FAAH2: variants seen among roughly 807,000 people sequenced by gnomAD.
FAAH2 encodes the protein fatty-acid amide hydrolase 2.
FAAH2 carries 60 observed loss-of-function variants against 36.9 expected under a neutral mutation model. That is an observed-to-expected ratio of 1.63 (90% confidence interval 1.32 to 2.02). The LOEUF is 2.02. Among genes scored for constraint, FAAH2 ranks in the 30% most tolerant of loss-of-function variants. The pLI, the probability that FAAH2 is intolerant of heterozygous loss-of-function variation, is 0.00. For missense variants in FAAH2, 689 were observed against 397.5 expected, an observed-to-expected ratio of 1.73 and a Z score of -6.23; for synonymous variants, 214 against 143.8, an observed-to-expected ratio of 1.49 and a Z score of -3.49.
chrX:57,319,424 G>C (rs1273864213), intron 3 of FAAH2, among the ~76,000 whole-genome samples: 1 of 111,647 alleles, frequency 9.0e-6, no homozygotes, highest in Admixed American at 9.6e-5. Context: ...ATTCACAATT[G>C]CTACAAAGAG....
At chrX:57,244,958 C>T in the FAAH2 span, among the ~76,000 whole-genome samples, 3 of 111,095 alleles carry the variant, frequency 2.7e-5, no homozygotes, top group African/African-American at 6.6e-5. Flanking sequence ...AGTCAAAACC[C>T]ATTGGTGTGC....
intron 5 of FAAH2, 104 bp from the exon 6 acceptor site, chrX:57,378,547 C>A: frequency 9.6e-7 from 1 of 1,038,379 alleles, no homozygotes; most frequent in Non-Finnish European, 1.3e-6. Context: ...AAAGTTTTAA[C>A]CAGGAGAAAA....
At chrX:57,364,196 T>C (rs753000085) in intron 5 of FAAH2, among the ~76,000 whole-genome samples, 4 of 108,951 alleles carry the variant, frequency 3.7e-5, no homozygotes, top group African/African-American at 1.3e-4. Flanking sequence ...AGGGCTTTTT[T>C]CTTGGTAGTT....
At chrX:57,316,698 TC>T (rs1165153957) in intron 3 of FAAH2, among the ~76,000 whole-genome samples, 1 of 111,577 alleles carries the variant, frequency 9.0e-6, no homozygotes, top group Non-Finnish European at 1.9e-5. Flanking sequence ...TACACTCTTA[TC>T]TTTCACCATA....
intron 6 of FAAH2, 141 bp from the exon 7 acceptor site, chrX:57,380,771 C>T: frequency 2.8e-6 from 1 of 360,538 alleles, no homozygotes; most frequent in East Asian, 4.3e-5. Context: ...AATCTAAATT[C>T]TAAAGGTATA....
the FAAH2 span, among the ~76,000 whole-genome samples, chrX:57,152,589 T>C: frequency 1.8e-5 from 2 of 112,357 alleles, no homozygotes; most frequent in South Asian, 7.5e-4. Flanking sequence ...ATATAATCTC[T>C]TGGTGTCCCA....
chrX:57,209,196 A>G, the FAAH2 span, among the ~76,000 whole-genome samples: 1 of 111,514 alleles, frequency 9.0e-6, no homozygotes, highest in Non-Finnish European at 1.9e-5. Context: ...CACCTCAGGT[A>G]CAAGACAAAA....
the FAAH2 span, among the ~76,000 whole-genome samples, chrX:57,184,887 G>A: frequency 1.8e-5 from 2 of 111,536 alleles, no homozygotes; most frequent in African/African-American, 6.5e-5. Flanking sequence ...GCAAAGTGCT[G>A]GAACATGGAA....
chrX:57,464,461 C>T (rs2057014220), intron 10 of FAAH2, among the ~76,000 whole-genome samples: 1 of 98,563 alleles, frequency 1.0e-5, no homozygotes, highest in Non-Finnish European at 2.0e-5. Flanking sequence ...CTAGTAAATA[C>T]TTTTCTTGAC....
chrX:57,240,425 G>A, the FAAH2 span, among the ~76,000 whole-genome samples: 3 of 111,662 alleles, frequency 2.7e-5, no homozygotes, highest in Non-Finnish European at 5.6e-5. Flanking sequence ...CTCCCTGTCT[G>A]GTGGCAACAA....
chrX:57,374,221 T>C (rs768418910), intron 5 of FAAH2, among the ~76,000 whole-genome samples: 5 of 111,616 alleles, frequency 4.5e-5, no homozygotes, highest in African/African-American at 1.6e-4. Context: ...CCCATATGAA[T>C]TTTGGGAATT....
intron 8 of FAAH2, among the ~76,000 whole-genome samples, chrX:57,436,443 T>G (rs773093708): frequency 9.1e-6 from 1 of 109,301 alleles, no homozygotes; most frequent in East Asian, 2.9e-4. Flanking sequence ...ACAGGAAGTG[T>G]TGGTTCTTAA....
the FAAH2 span, among the ~76,000 whole-genome samples, chrX:57,212,936 G>C: frequency 9.0e-6 from 1 of 111,603 alleles, no homozygotes; most frequent in East Asian, 2.8e-4. Flanking sequence ...GAATTTAGCT[G>C]TGAATTCATC....
At position 57,489,103 on chromosome X, in the gene FAAH2, A is replaced by G. The variant is rs776878426; in HGVS notation, c.*171A>G. 1.4e-5 allele frequency: 7 copies of G among 501,743 alleles called. No individual in the cohort carries two copies. The East Asian group carries it at 2.5e-4, about 18-fold the overall frequency. 41.3% of individuals were successfully genotyped at this position (501,743 alleles called of 1,213,427 possible). A position where few individuals can be genotyped will look rare whatever the true frequency, so the allele number is the denominator to read the frequency against. The stretch of plus-strand genomic sequence containing the variant: ...ATTTCCTTCTCTAACTGTTGGTCTT[A>G]CTAAAATGGTAATATTTGCTTCTTG... On this transcript the variant is annotated 3_prime_UTR_variant, in exon 11 of 11. Transcript: ENST00000374900.
At chrX:57,216,150 G>A in the FAAH2 span, among the ~76,000 whole-genome samples, 1 of 106,865 alleles carries the variant, frequency 9.4e-6, no homozygotes, top group African/African-American at 3.4e-5. Context: ...TAAGTTATTG[G>A]GGTACAGGTG....
intron 3 of FAAH2, among the ~76,000 whole-genome samples, chrX:57,313,946 G>C (rs556941875): frequency 4.5e-5 from 5 of 111,249 alleles, no homozygotes; most frequent in African/African-American, 1.3e-4. Context: ...AGGGTGTCAG[G>C]CTGGATGAAA....
chrX:57,352,345 C>T (rs1028499757), intron 5 of FAAH2, among the ~76,000 whole-genome samples: 2 of 106,244 alleles, frequency 1.9e-5, no homozygotes, highest in Non-Finnish European at 3.9e-5. Flanking sequence ...ATCACATCAA[C>T]AGAATCAAGA....
chrX:57,341,630 A>C (rs758331530), intron 5 of FAAH2, among the ~76,000 whole-genome samples: 1 of 107,486 alleles, frequency 9.3e-6, no homozygotes, highest in Admixed American at 1.0e-4. Flanking sequence ...TTTTTTTTTC[A>C]GAAAGTTATC....
the FAAH2 span, among the ~76,000 whole-genome samples, chrX:57,148,940 C>T: frequency 9.0e-6 from 1 of 111,515 alleles, no homozygotes; most frequent in Non-Finnish European, 1.9e-5. Context: ...TCCCGTCATA[C>T]CTAATTTATT....
Sources: gnomAD v4.1 joint callset for allele counts (sites outside exome capture counted in the v4.1 genomes callset) on GRCh38, gnomAD v4.1.1 for gene constraint, MANE v1.5 for transcripts, NCBI Gene and HGNC (gene_info 2026-07-23, HGNC 2026-07-21) for gene names.